The following CMSS1 variants were observed in gnomAD, a reference collection of about 807,000 sequenced individuals.
CMSS1 encodes the protein protein CMSS1.
A neutral mutation model predicts 43.5 loss-of-function variants in CMSS1; 33 were observed. That is an observed-to-expected ratio of 0.76 (90% CI 0.57 to 1.01). The LOEUF is 1.01. Ranked by LOEUF, CMSS1 falls within the 50% of genes least tolerant of loss-of-function variation. The pLI, the probability that CMSS1 is intolerant of heterozygous loss-of-function variation, is 0.00. For synonymous variants in CMSS1, 115 were observed against 117.2 expected (o/e 0.98, Z 0.12); for missense variants, 313 against 326.4 (o/e 0.96, Z 0.32).
chr3:99,830,003 T>A (rs1385995849), intron 1 of CMSS1: 1 of 152,984 alleles, frequency 6.5e-6, no homozygotes. Context: ...TGACTCAGAT[T>A]AGGAATTTTT....
chr3:99,828,557 C>T (rs1278410069), intron 1 of CMSS1, among the ~76,000 whole-genome samples: 2 of 151,466 alleles, frequency 1.3e-5, no homozygotes, highest in Admixed American at 1.3e-4. Flanking sequence ...CTCAAACAGT[C>T]CTCTTGCCTC....
chr3:100,171,364 C>T (rs2067108628), intron 6 of CMSS1, among the ~76,000 whole-genome samples: 1 of 151,944 alleles, frequency 6.6e-6, no homozygotes, highest in Admixed American at 6.6e-5. Flanking sequence ...CCCTTTCAAG[C>T]TCATCTCCTG....
intron 1 of CMSS1, among the ~76,000 whole-genome samples, chr3:100,021,956 TGTGTGAGAGA>T (rs1412993793): frequency 4.1e-4 from 39 of 94,610 alleles, no homozygotes; most frequent in South Asian, 2.4e-3. Context: ...TGTGTGTGTG[TGTGTGAGAGA>T]GAGAGAGAGA....
intron 1 of CMSS1, chr3:99,848,201 A>G (rs1049788614): frequency 6.4e-7 from 1 of 1,566,004 alleles, no homozygotes; most frequent in Non-Finnish European, 8.7e-7. Context: ...CTTGGGGGAT[A>G]TGGAGGGATG....
intron 1 of CMSS1, among the ~76,000 whole-genome samples, chr3:99,927,302 T>C (rs1707324531): frequency 6.6e-6 from 1 of 152,202 alleles, no homozygotes; most frequent in South Asian, 2.1e-4. Context: ...CCCTAGGTTA[T>C]GCTAATAATA....
chr3:100,010,245 T>C (rs1479580874), intron 1 of CMSS1: 2 of 465,356 alleles, frequency 4.3e-6, no homozygotes, highest in East Asian at 1.5e-4. Context: ...CAGTATGTTT[T>C]TCCCCCCACA....
chr3:100,147,048 A>G lies in CMSS1; in HGVS notation c.140A>G (p.Glu47Gly), dbSNP rs780029823. ...QETVPVPVPSEKTKQPKECFL... is the reference protein window; with the variant it reads ...QETVPVPVPSGKTKQPKECFL... ...ACAGTTCCAGTTCCTGTACCTTCAG[A>G]GAAAACCAAACAGGTGAGGGGTCAC... The change falls in exon 2 of 10, where the codon GAG becomes GGG. Residue 47 changes from glutamate (E) to glycine (G), a missense_variant. Glu to Gly is a moderately conservative substitution (Grantham distance 98, BLOSUM62 -2). Coordinates refer to ENST00000421999, the MANE Select transcript of CMSS1 (RefSeq NM_032359.4). 1.5e-5 allele frequency: 24 copies of G among 1,613,844 alleles called. No individual in the cohort carries two copies. The highest frequency in any genetic ancestry group is 1.9e-5 in the Non-Finnish European group (23 of 1,179,906).
intron 1 of CMSS1, among the ~76,000 whole-genome samples, chr3:99,931,366 C>CTTAAG (rs201209576): frequency 0.012 from 1,754 of 152,248 alleles, 18 homozygotes; most frequent in African/African-American, 0.026. Context: ...TAAGTGCTTG[C>CTTAAG]TTAAGACGTA....
At chr3:100,158,533 C>CAT (rs1451864837) in intron 2 of CMSS1, among the ~76,000 whole-genome samples, 1 of 152,198 alleles carries the variant, frequency 6.6e-6, no homozygotes, top group Non-Finnish European at 1.5e-5. Context: ...AGTCATCTCA[C>CAT]CTCTATGGAA....
At chr3:99,910,762 G>T (rs1218301739) in intron 1 of CMSS1, among the ~76,000 whole-genome samples, 1 of 83,494 alleles carries the variant, frequency 1.2e-5, no homozygotes, top group Non-Finnish European at 3.2e-5. Flanking sequence ...CCTCATGCAA[G>T]AAAGTAGATA....
intron 1 of CMSS1, chr3:99,850,224 G>C (rs1342172578): frequency 8.7e-6 from 14 of 1,613,462 alleles, no homozygotes; most frequent in Non-Finnish European, 1.2e-5. Flanking sequence ...CTTTTAGAGT[G>C]AATTCTGTCT....
intron 8 of CMSS1, chr3:100,176,096 A>T: frequency 2.6e-6 from 1 of 389,524 alleles, no homozygotes; most frequent in Non-Finnish European, 4.6e-6. Flanking sequence ...GCTTAGCAAG[A>T]GCAGTTTCTC....
chr3:100,095,212 T>C (rs2066183574), intron 1 of CMSS1, among the ~76,000 whole-genome samples: 5 of 152,230 alleles, frequency 3.3e-5, no homozygotes, highest in Admixed American at 3.3e-4. Flanking sequence ...TTAGTTATTC[T>C]ATTTACCTTT....
intron 4 of CMSS1, among the ~76,000 whole-genome samples, chr3:100,165,130 C>A (rs2067055631): frequency 6.6e-6 from 1 of 152,146 alleles, no homozygotes; most frequent in Admixed American, 6.5e-5. Flanking sequence ...AAAGAGACTT[C>A]ATCCCAGAAA....
intron 1 of CMSS1, among the ~76,000 whole-genome samples, chr3:99,949,055 G>A (rs1382681670): frequency 1.3e-5 from 2 of 152,142 alleles, no homozygotes; most frequent in Admixed American, 6.5e-5. Flanking sequence ...TTAGTTGAAT[G>A]CCACCTGACA....
chr3:99,876,690 G>A (rs898301093), intron 1 of CMSS1, among the ~76,000 whole-genome samples: 3 of 152,164 alleles, frequency 2.0e-5, no homozygotes, highest in Middle Eastern at 3.2e-3. Flanking sequence ...GGGGTCCTCA[G>A]AGGATGGTGT....
At chr3:99,951,562 G>A (rs981433156) in intron 1 of CMSS1, among the ~76,000 whole-genome samples, 1 of 152,136 alleles carries the variant, frequency 6.6e-6, no homozygotes, top group South Asian at 2.1e-4. Flanking sequence ...CTGTGAGATA[G>A]TAGACTAAGA....
chr3:100,021,954 TGTGTGTGAGAGAGAGAGAGAGAGA>T (rs1212052469), intron 1 of CMSS1, among the ~76,000 whole-genome samples: 2 of 114,348 alleles, frequency 1.7e-5, no homozygotes, highest in Non-Finnish European at 3.7e-5. Flanking sequence ...TGTGTGTGTG[TGTGTGTGAGAGAGAGAGAGAGAGA>T]GAGAGAGAGA....
At chr3:99,855,245 T>C (rs1943904425) in intron 1 of CMSS1, among the ~76,000 whole-genome samples, 1 of 152,196 alleles carries the variant, frequency 6.6e-6, no homozygotes, top group African/African-American at 2.4e-5. Flanking sequence ...CTAAAATCTG[T>C]CCACATTTCT....
Sources: allele counts gnomAD v4.1 joint callset (sites outside exome capture counted in the v4.1 genomes callset), GRCh38; gene constraint gnomAD v4.1.1; transcripts MANE v1.5; gene names NCBI Gene and HGNC (gene_info 2026-07-23, HGNC 2026-07-21).